FHIT: variants seen among roughly 807,000 people sequenced by gnomAD.
FHIT encodes the protein fragile histidine triad diadenosine triphosphatase.
Under a neutral mutation model 17.9 loss-of-function variants are expected in FHIT, and 19 were observed. That is an observed-to-expected ratio of 1.06 (90% CI 0.74 to 1.56). The LOEUF is 1.56. FHIT is among the 40% of genes most tolerant of loss of function. The probability of loss-of-function intolerance (pLI) is 0.00; values close to 1 mark genes in which losing one functional copy is unlikely to be tolerated. For missense variants in FHIT, 248 were observed against 189.2 expected, an observed-to-expected ratio of 1.31 and a Z score of -1.82; for synonymous variants, 81 against 69.7, an observed-to-expected ratio of 1.16 and a Z score of -0.81.
At chr3:60,410,106 A>G (rs1446482748) in intron 5 of FHIT, among the ~76,000 whole-genome samples, 1 of 152,212 alleles carries the variant, frequency 6.6e-6, no homozygotes, top group East Asian at 1.9e-4. Context: ...GTTTAACTGA[A>G]AGCATAGGTA....
chr3:60,256,297 C>G (rs1705989023), intron 5 of FHIT, among the ~76,000 whole-genome samples: 1 of 152,164 alleles, frequency 6.6e-6, no homozygotes, highest in South Asian at 2.1e-4. Context: ...ATCTCATCTT[C>G]CCATGTCTCT....
At chr3:60,248,358 G>A (rs1423538910) in intron 5 of FHIT, among the ~76,000 whole-genome samples, 1 of 152,128 alleles carries the variant, frequency 6.6e-6, no homozygotes, top group Non-Finnish European at 1.5e-5. Flanking sequence ...GGGGATCTGT[G>A]AAATAAGAAG....
intron 4 of FHIT, among the ~76,000 whole-genome samples, chr3:60,812,655 C>T (rs1386574505): frequency 1.3e-5 from 2 of 152,086 alleles, no homozygotes; most frequent in East Asian, 3.9e-4. Flanking sequence ...TGACTATATC[C>T]AGAATGTAGC....
chr3:59,938,291 C>G (rs1025538757), intron 7 of FHIT, among the ~76,000 whole-genome samples: 1 of 152,034 alleles, frequency 6.6e-6, no homozygotes, highest in Admixed American at 6.6e-5. Context: ...GTGAAATAAA[C>G]CAGACACAGA....
chr3:60,589,187 A>C (rs1214493024), intron 4 of FHIT, among the ~76,000 whole-genome samples: 2 of 152,004 alleles, frequency 1.3e-5, no homozygotes, highest in Non-Finnish European at 2.9e-5. Flanking sequence ...AGAGAGAGAA[A>C]AAGTATAACC....
chr3:59,974,843 T>C (rs1320103787), intron 7 of FHIT, among the ~76,000 whole-genome samples: 1 of 151,794 alleles, frequency 6.6e-6, no homozygotes, highest in East Asian at 1.9e-4. Flanking sequence ...GAGAGAAAAG[T>C]TCTACACCAA....
At chr3:60,059,451 TACA>T (rs1486161638) in intron 5 of FHIT, among the ~76,000 whole-genome samples, 4 of 152,116 alleles carry the variant, frequency 2.6e-5, no homozygotes, top group African/African-American at 9.7e-5. Flanking sequence ...GGCCCAGAAG[TACA>T]ACAACATATA....
intron 4 of FHIT, among the ~76,000 whole-genome samples, chr3:60,780,311 C>T (rs1387470239): frequency 6.6e-6 from 1 of 152,142 alleles, no homozygotes; most frequent in Admixed American, 6.5e-5. Flanking sequence ...TCAGATGCAT[C>T]CTCCAAACTA....
intron 4 of FHIT, among the ~76,000 whole-genome samples, chr3:60,673,970 C>G (rs1358402878): frequency 6.6e-6 from 1 of 152,038 alleles, no homozygotes; most frequent in East Asian, 1.9e-4. Flanking sequence ...AAAATTTGTT[C>G]ATTTTTTTAA....
At chr3:60,251,356 T>C (rs1357479898) in intron 5 of FHIT, among the ~76,000 whole-genome samples, 4 of 152,170 alleles carry the variant, frequency 2.6e-5, no homozygotes, top group Admixed American at 2.6e-4. Context: ...CACCTATTAC[T>C]ATCAACCACT....
At chr3:60,995,037 C>T (rs1278181512) in intron 3 of FHIT, among the ~76,000 whole-genome samples, 1 of 152,130 alleles carries the variant, frequency 6.6e-6, no homozygotes, top group Non-Finnish European at 1.5e-5. Context: ...TAGTTTAATA[C>T]CAGCCAGGCG....
At chr3:61,120,417 G>A (rs767257867) in intron 2 of FHIT, among the ~76,000 whole-genome samples, 1 of 152,154 alleles carries the variant, frequency 6.6e-6, no homozygotes, top group Non-Finnish European at 1.5e-5. Flanking sequence ...TTTCAATGAA[G>A]CAAACATTAT....
chr3:59,892,244 A>G (rs561812807), intron 8 of FHIT, among the ~76,000 whole-genome samples: 1 of 152,308 alleles, frequency 6.6e-6, no homozygotes, highest in South Asian at 2.1e-4. Context: ...CGAGCTTTGA[A>G]CCTCCTAAGC....
intron 5 of FHIT, among the ~76,000 whole-genome samples, chr3:60,316,444 T>C (rs553992608): frequency 6.6e-6 from 1 of 152,200 alleles, no homozygotes; most frequent in South Asian, 2.1e-4. Context: ...TTAGAGCCTA[T>C]TCATTAAGCA....
chr3:60,274,326 C>T (rs1707017137), intron 5 of FHIT, among the ~76,000 whole-genome samples: 1 of 152,114 alleles, frequency 6.6e-6, no homozygotes. Context: ...TCCCCAACTC[C>T]AAAACCCTAA....
At chr3:60,910,418 T>C (rs1427356745) in intron 3 of FHIT, among the ~76,000 whole-genome samples, 2 of 151,250 alleles carry the variant, frequency 1.3e-5, no homozygotes, top group Non-Finnish European at 3.0e-5. Flanking sequence ...CTCTTTTTTT[T>C]TTTTTTTTTC....
chr3:60,512,953 G>C (rs140113406), intron 5 of FHIT, among the ~76,000 whole-genome samples: 130 of 152,254 alleles, frequency 8.5e-4, no homozygotes, highest in African/African-American at 3.1e-3. Flanking sequence ...CTGTGTCATG[G>C]AGGAAAAAAA....
intron 1 of FHIT, among the ~76,000 whole-genome samples, chr3:61,214,330 C>T (rs1178891816): frequency 6.6e-6 from 1 of 152,100 alleles, no homozygotes; most frequent in African/African-American, 2.4e-5. Context: ...GGGATATCAC[C>T]ACCAATCCCA....
intron 3 of FHIT, among the ~76,000 whole-genome samples, chr3:60,903,193 G>A (rs1706213112): frequency 6.6e-6 from 1 of 152,172 alleles, no homozygotes; most frequent in African/African-American, 2.4e-5. Flanking sequence ...ATTAAGTGAT[G>A]ACGGTGAGAG....
Sources: allele counts gnomAD v4.1 joint callset (sites outside exome capture counted in the v4.1 genomes callset), GRCh38; gene constraint gnomAD v4.1.1; transcripts MANE v1.5; gene names NCBI Gene and HGNC (gene_info 2026-07-23, HGNC 2026-07-21).